Variants in MDGA2 observed in about 807,000 individuals in gnomAD.
MDGA2 encodes MAM domain-containing glycosylphosphatidylinositol anchor protein 2.
MDGA2 carries 40 observed loss-of-function variants against 117.8 expected under a neutral mutation model. The observed-to-expected ratio is 0.34, with a 90% confidence interval of 0.26 to 0.44. The LOEUF (loss-of-function observed/expected upper bound fraction) is 0.44, where lower values mean the gene tolerates loss of function less well. Among genes scored for constraint, MDGA2 ranks in the 20% least tolerant of loss-of-function variants. The pLI is 1.00. For synonymous variants in MDGA2, 452 were observed against 439.0 expected, an observed-to-expected ratio of 1.03 and a Z score of -0.37; for missense variants, 1,123 against 1,250.6, an observed-to-expected ratio of 0.90 and a Z score of 1.54.
intron 1 of MDGA2, among the ~76,000 whole-genome samples, chr14:47,576,931 T>A (rs891207447): frequency 2.0e-5 from 3 of 152,058 alleles, no homozygotes; most frequent in African/African-American, 7.3e-5. Context: ...TTTATTTTTT[T>A]ATAGAGATGT....
At chr14:47,424,575 A>C (rs578181833) in intron 1 of MDGA2, among the ~76,000 whole-genome samples, 4 of 152,284 alleles carry the variant, frequency 2.6e-5, no homozygotes, top group South Asian at 2.1e-4. Flanking sequence ...GGCACATACA[A>C]TTATGAGGAT....
intron 7 of MDGA2, among the ~76,000 whole-genome samples, chr14:47,055,466 A>G (rs939793392): frequency 3.9e-5 from 6 of 152,120 alleles, no homozygotes; most frequent in South Asian, 2.1e-4. Context: ...ACTAGATTCA[A>G]TAACATTATT....
chr14:47,199,185 C>T (rs1885399407), intron 3 of MDGA2, among the ~76,000 whole-genome samples: 1 of 151,748 alleles, frequency 6.6e-6, no homozygotes, highest in Non-Finnish European at 1.5e-5. Flanking sequence ...CCTCCTCTGT[C>T]CCTCTCCCTC....
At chr14:46,960,655 T>A (rs923016563) in intron 8 of MDGA2, 9 of 151,824 alleles carry the variant, frequency 5.9e-5, no homozygotes, top group African/African-American at 1.9e-4. Flanking sequence ...TACATTTTTA[T>A]GTTATATATA....
intron 1 of MDGA2, among the ~76,000 whole-genome samples, chr14:47,651,985 C>T (rs929071893): frequency 6.6e-6 from 1 of 152,118 alleles, no homozygotes; most frequent in African/African-American, 2.4e-5. Flanking sequence ...GACAGTTACA[C>T]ATACGGATCT....
chr14:47,147,558 C>G (rs1882992122), intron 3 of MDGA2, among the ~76,000 whole-genome samples: 1 of 152,148 alleles, frequency 6.6e-6, no homozygotes, highest in Non-Finnish European at 1.5e-5. Flanking sequence ...CGCTAGGAGA[C>G]ATAACCTTGG....
At chr14:47,107,648 C>T (rs1484611573) in intron 5 of MDGA2, among the ~76,000 whole-genome samples, 1 of 151,260 alleles carries the variant, frequency 6.6e-6, no homozygotes, top group Non-Finnish European at 1.5e-5. Context: ...CACGTGCTCT[C>T]CCTGCCGATC....
intron 2 of MDGA2, among the ~76,000 whole-genome samples, chr14:47,220,323 G>A (rs1426931487): frequency 2.6e-5 from 4 of 152,150 alleles, no homozygotes. Context: ...GGACAAACTT[G>A]TAATGTCACA....
At chr14:47,349,247 C>T (rs972403570) in intron 1 of MDGA2, among the ~76,000 whole-genome samples, 1 of 152,116 alleles carries the variant, frequency 6.6e-6, no homozygotes, top group Non-Finnish European at 1.5e-5. Flanking sequence ...CACTGGATTG[C>T]CCTAGACATG....
chr14:47,619,924 T>A (rs546256096), intron 1 of MDGA2, among the ~76,000 whole-genome samples: 1 of 152,348 alleles, frequency 6.6e-6, no homozygotes, highest in African/African-American at 2.4e-5. Flanking sequence ...GATCTGTTGT[T>A]GTCCTCATCC....
At chr14:47,613,479 T>TCTCACACACACACACACA (rs1023859588) in intron 1 of MDGA2, among the ~76,000 whole-genome samples, 19 of 141,166 alleles carry the variant, frequency 1.3e-4, no homozygotes, top group African/African-American at 4.9e-4. Context: ...TCTCTCTCTC[T>TCTCACACACACACACACA]CACACACACA....
chr14:46,955,618 A>T (rs545707896), intron 9 of MDGA2, among the ~76,000 whole-genome samples: 1 of 151,986 alleles, frequency 6.6e-6, no homozygotes, highest in African/African-American at 2.4e-5. Flanking sequence ...TCTAACATAC[A>T]TCATAAACAT....
At position 46,957,437 on chromosome 14, in the gene MDGA2, C is replaced by T; in HGVS notation, c.2026G>A (p.Gly676Arg). ...TTTATGATGCTACAGTTATAAACCC[C>T]ATAGTTTTCATTGGAAAGACTCTTC... Reference protein sequence around the residue: ...AVKSLSNENYGVYNCSIINEA... With the variant: ...AVKSLSNENYRVYNCSIINEA... The change falls in exon 9 of 17, where the codon GGG (glycine) becomes AGG (arginine). Residue 676 changes from glycine to arginine, a missense_variant. Coordinates refer to ENST00000399232, the MANE Select transcript of MDGA2 (RefSeq NM_001113498.3). 1 of 1,614,114 alleles carries T rather than the reference C, an allele frequency of 6.2e-7. No individual in the cohort carries two copies. The highest frequency in any genetic ancestry group is 8.5e-7 in the Non-Finnish European group (1 of 1,180,000).
intron 2 of MDGA2, among the ~76,000 whole-genome samples, chr14:47,226,886 G>C (rs1361170726): frequency 1.3e-5 from 2 of 152,116 alleles, no homozygotes; most frequent in African/African-American, 2.4e-5. Flanking sequence ...GTGAGACTAT[G>C]TGCTATTATA....
intron 1 of MDGA2, among the ~76,000 whole-genome samples, chr14:47,530,307 T>G (rs1315335895): frequency 6.6e-6 from 1 of 152,204 alleles, no homozygotes; most frequent in Non-Finnish European, 1.5e-5. Context: ...GTCTAACCAG[T>G]TGTCTAGCTT....
At chr14:47,524,219 A>C (rs1894926193) in intron 1 of MDGA2, among the ~76,000 whole-genome samples, 1 of 151,934 alleles carries the variant, frequency 6.6e-6, no homozygotes, top group African/African-American at 2.4e-5. Flanking sequence ...GGAGTGTTAA[A>C]CCTATTAGAC....
chr14:46,975,401 A>G (rs901114459), intron 8 of MDGA2, among the ~76,000 whole-genome samples: 7 of 152,254 alleles, frequency 4.6e-5, no homozygotes, highest in South Asian at 2.1e-4. Context: ...CCAGGTTCAT[A>G]TCGGCATTAT....
chr14:47,671,212 C>T (rs538171553), intron 1 of MDGA2, among the ~76,000 whole-genome samples: 12 of 152,246 alleles, frequency 7.9e-5, no homozygotes, highest in Non-Finnish European at 1.5e-4. Flanking sequence ...TTGTGCAGTT[C>T]GTTTGCTAAG....
intron 9 of MDGA2, among the ~76,000 whole-genome samples, chr14:46,933,182 T>C (rs1415508308): frequency 2.0e-5 from 3 of 151,998 alleles, no homozygotes; most frequent in African/African-American, 7.2e-5. Context: ...GTAAAATTTC[T>C]CCCCCAGTTT....
Sources: allele counts gnomAD v4.1 joint callset (sites outside exome capture counted in the v4.1 genomes callset), GRCh38; gene constraint gnomAD v4.1.1; transcripts MANE v1.5; gene names NCBI Gene and HGNC (gene_info 2026-07-23, HGNC 2026-07-21).